The following CSMD1 variants were observed in gnomAD, a reference collection of about 807,000 sequenced individuals.
The protein encoded by CSMD1 is CUB and Sushi multiple domains 1.
CSMD1 carries 213 observed loss-of-function variants against 417.5 expected under a neutral mutation model. The ratio of observed to expected loss-of-function variants is 0.51; its 90% CI spans 0.46 to 0.57. The LOEUF is 0.57. CSMD1 is among the 20% of genes least tolerant of loss of function. The probability of loss-of-function intolerance (pLI) is 0.00; values close to 1 mark genes in which losing one functional copy is unlikely to be tolerated. For synonymous variants in CSMD1, 2,862 were observed against 1,736.8 expected (o/e 1.65, Z -16.11); for missense variants, 6,923 against 4,529.7 (o/e 1.53, Z -15.17).
intron 3 of CSMD1, among the ~76,000 whole-genome samples, chr8:4,315,962 G>C (rs887438022): frequency 2.6e-5 from 4 of 151,864 alleles, no homozygotes; most frequent in Non-Finnish European, 5.9e-5. Context: ...AATAAAGAAC[G>C]GGAAATTTTG....
intron 7 of CSMD1, among the ~76,000 whole-genome samples, chr8:3,632,442 G>A (rs556957993): frequency 6.6e-6 from 1 of 152,026 alleles, no homozygotes; most frequent in African/African-American, 2.4e-5. Flanking sequence ...ATTTTTTAAT[G>A]AGAAAAACAC....
At chr8:3,851,465 G>T (rs1803900031) in intron 5 of CSMD1, among the ~76,000 whole-genome samples, 1 of 152,056 alleles carries the variant, frequency 6.6e-6, no homozygotes, top group South Asian at 2.1e-4. Flanking sequence ...TTATCTCAAG[G>T]GAAAAAGTAC....
intron 6 of CSMD1, among the ~76,000 whole-genome samples, chr8:3,728,338 G>C (rs920407545): frequency 1.5e-4 from 23 of 152,230 alleles, no homozygotes; most frequent in Non-Finnish European, 2.8e-4. Flanking sequence ...CAGCCACGTG[G>C]AACTGGGAGT....
chr8:3,482,073 T>C (rs1254420148), intron 11 of CSMD1, among the ~76,000 whole-genome samples: 1 of 151,700 alleles, frequency 6.6e-6, no homozygotes, highest in Non-Finnish European at 1.5e-5. Flanking sequence ...TAAGATAAAA[T>C]TAAAAAACAA....
intron 5 of CSMD1, among the ~76,000 whole-genome samples, chr8:3,896,943 T>C (rs1464590772): frequency 1.3e-5 from 2 of 151,974 alleles, no homozygotes; most frequent in Non-Finnish European, 2.9e-5. Flanking sequence ...ATGTCATCAA[T>C]ACCCCTAATG....
intron 1 of CSMD1, among the ~76,000 whole-genome samples, chr8:4,941,181 C>G (rs928581785): frequency 1.3e-5 from 2 of 151,658 alleles, no homozygotes; most frequent in African/African-American, 4.8e-5. Context: ...AAATAAAAAA[C>G]AAAAATATTG....
intron 12 of CSMD1, among the ~76,000 whole-genome samples, chr8:3,430,346 G>C (rs1465646220): frequency 6.6e-6 from 1 of 152,108 alleles, no homozygotes; most frequent in African/African-American, 2.4e-5. Flanking sequence ...GTGTTGTATA[G>C]ATTTTAAACT....
chr8:3,698,093 T>A (rs1800656405), intron 7 of CSMD1, among the ~76,000 whole-genome samples: 1 of 152,224 alleles, frequency 6.6e-6, no homozygotes, highest in South Asian at 2.1e-4. Context: ...GTATGATGAA[T>A]AATTGATGAA....
chr8:4,695,420 C>A (rs1807063339), intron 1 of CSMD1, among the ~76,000 whole-genome samples: 1 of 152,144 alleles, frequency 6.6e-6, no homozygotes, highest in African/African-American at 2.4e-5. Context: ...TGTAATTAGT[C>A]GCGGATGACC....
At chr8:3,734,579 C>G (rs760344687) in intron 6 of CSMD1, among the ~76,000 whole-genome samples, 1 of 152,100 alleles carries the variant, frequency 6.6e-6, no homozygotes, top group South Asian at 2.1e-4. Flanking sequence ...GGCCTGGTGG[C>G]GGGCACCTAT....
intron 5 of CSMD1, among the ~76,000 whole-genome samples, chr8:3,974,582 C>G (rs1019146854): frequency 6.6e-6 from 1 of 151,756 alleles, no homozygotes; most frequent in African/African-American, 2.4e-5. Context: ...AGTGGCAATC[C>G]TTTTTCTAAT....
intron 5 of CSMD1, among the ~76,000 whole-genome samples, chr8:3,857,070 G>C (rs1026982971): frequency 6.8e-6 from 1 of 147,604 alleles, no homozygotes. Context: ...CTTACTTCAG[G>C]AAAAAAAAAA....
chr8:3,382,860 T>C (rs1810724572), intron 18 of CSMD1, among the ~76,000 whole-genome samples: 2 of 152,086 alleles, frequency 1.3e-5, no homozygotes, highest in Non-Finnish European at 2.9e-5. Context: ...TCAATGTTTT[T>C]TCATTTACTG....
chr8:4,671,733 G>C (rs1359648816), intron 1 of CSMD1, among the ~76,000 whole-genome samples: 1 of 152,108 alleles, frequency 6.6e-6, no homozygotes, highest in Non-Finnish European at 1.5e-5. Flanking sequence ...GCTTGTGTGT[G>C]TGTGTGTGCT....
chr8:3,046,205 G>A (rs149042897), intron 50 of CSMD1, among the ~76,000 whole-genome samples: 44 of 152,298 alleles, frequency 2.9e-4, no homozygotes, highest in African/African-American at 9.9e-4. Context: ...CAAGGGAAGC[G>A]GAGGTGAGGC....
intron 5 of CSMD1, among the ~76,000 whole-genome samples, chr8:3,760,979 C>G (rs2623733): frequency 0.98 from 149,040 of 152,036 alleles, 73,096 homozygotes; most frequent in East Asian, 1. Context: ...TTTGCATTTT[C>G]TGGACATGCA....
At chr8:3,774,452 G>A (rs765705481) in intron 5 of CSMD1, among the ~76,000 whole-genome samples, 1 of 152,118 alleles carries the variant, frequency 6.6e-6, no homozygotes, top group Non-Finnish European at 1.5e-5. Context: ...GCTGCCTAAT[G>A]TGTGCTTTGT....
chr8:4,069,167 A>G (rs1799414358), intron 3 of CSMD1, among the ~76,000 whole-genome samples: 2 of 152,210 alleles, frequency 1.3e-5, no homozygotes, highest in African/African-American at 2.4e-5. Flanking sequence ...AATATATACT[A>G]TGATGGGTAG....
At chr8:4,179,349 T>C (rs1344740843) in intron 3 of CSMD1, among the ~76,000 whole-genome samples, 1 of 152,180 alleles carries the variant, frequency 6.6e-6, no homozygotes, top group African/African-American at 2.4e-5. Context: ...ATTTAATAAA[T>C]GGTGCTGGGA....
Sources: allele counts gnomAD v4.1 joint callset (sites outside exome capture counted in the v4.1 genomes callset), GRCh38; gene constraint gnomAD v4.1.1; transcripts MANE v1.5; gene names NCBI Gene and HGNC (gene_info 2026-07-23, HGNC 2026-07-21).